The following ARHGAP28 variants were observed in gnomAD, a reference collection of about 807,000 sequenced individuals.
The protein encoded by ARHGAP28 is Rho GTPase activating protein 28.
Under a neutral mutation model 90.7 loss-of-function variants are expected in ARHGAP28, and 56 were observed. That is an observed-to-expected ratio of 0.62 (90% CI 0.50 to 0.77). The LOEUF (loss-of-function observed/expected upper bound fraction) is 0.77, where lower values mean the gene tolerates loss of function less well. Among genes scored for constraint, ARHGAP28 ranks in the 30% least tolerant of loss-of-function variants. The pLI is 0.00. For missense variants in ARHGAP28, 869 were observed against 900.9 expected, an observed-to-expected ratio of 0.96 and a Z score of 0.45; for synonymous variants, 308 against 323.3, an observed-to-expected ratio of 0.95 and a Z score of 0.51.
intron 13 of ARHGAP28, 109 bp downstream of exon 13, chr18:6,890,194 G>A: frequency 7.8e-7 from 1 of 1,274,078 alleles, no homozygotes; most frequent in Non-Finnish European, 1.1e-6. Context: ...AATATGAGAA[G>A]ATAACCCCAG....
intron 1 of ARHGAP28, among the ~76,000 whole-genome samples, chr18:6,813,431 G>T (rs2056570210): frequency 6.6e-6 from 1 of 152,100 alleles, no homozygotes; most frequent in African/African-American, 2.4e-5. Flanking sequence ...TTCACTTTCA[G>T]ATTTTTAGAG....
chr18:6,733,565 T>C (rs1295489601), intron 1 of ARHGAP28, among the ~76,000 whole-genome samples: 1 of 152,208 alleles, frequency 6.6e-6, no homozygotes, highest in Non-Finnish European at 1.5e-5. Context: ...AAAGTTTTCT[T>C]AGGAATTAAT....
intron 1 of ARHGAP28, among the ~76,000 whole-genome samples, chr18:6,784,097 G>C (rs370483604): frequency 5.3e-5 from 8 of 151,932 alleles, no homozygotes; most frequent in African/African-American, 1.9e-4. Context: ...ACTTTCTCCC[G>C]GGAGCCCAGT....
chr18:6,860,616 A>G (rs1309187125), intron 5 of ARHGAP28, among the ~76,000 whole-genome samples: 1 of 152,142 alleles, frequency 6.6e-6, no homozygotes, highest in African/African-American at 2.4e-5. Flanking sequence ...GGCACATTCA[A>G]AGGTTCTGCT....
At chr18:6,879,517 C>G (rs1474092135) in intron 10 of ARHGAP28, among the ~76,000 whole-genome samples, 1 of 152,170 alleles carries the variant, frequency 6.6e-6, no homozygotes, top group Non-Finnish European at 1.5e-5. Context: ...AAACTCATAC[C>G]CGGCTGACAT....
intron 1 of ARHGAP28, among the ~76,000 whole-genome samples, chr18:6,749,906 C>A (rs562930563): frequency 6.6e-6 from 1 of 152,190 alleles, no homozygotes; most frequent in African/African-American, 2.4e-5. Flanking sequence ...CAAAAATATA[C>A]CCTCAGTGTA....
At chr18:6,744,457 T>G (rs1411388438) in intron 1 of ARHGAP28, among the ~76,000 whole-genome samples, 1 of 152,212 alleles carries the variant, frequency 6.6e-6, no homozygotes, top group Non-Finnish European at 1.5e-5. Flanking sequence ...TTTTCCCTAT[T>G]ATTAAGTTGG....
At chr18:6,890,114 C>T (rs1455418172) in intron 13 of ARHGAP28, 29 bp downstream of exon 13, 2 of 1,611,334 alleles carry the variant, frequency 1.2e-6, no homozygotes, top group Non-Finnish European at 1.7e-6. Context: ...ACAGGTCCCC[C>T]TCAGAAGTCC....
chr18:6,739,645 T>TTCTCTCTCTCTCTCTCTC (rs138884918), intron 1 of ARHGAP28, among the ~76,000 whole-genome samples: 13 of 145,046 alleles, frequency 9.0e-5, no homozygotes, highest in African/African-American at 3.3e-4. Context: ...TGACTAAGCT[T>TTCTCTCTCTCTCTCTCTC]TCTCTCTCTC....
At chr18:6,813,907 C>T (rs1026154294) in intron 1 of ARHGAP28, among the ~76,000 whole-genome samples, 3 of 152,102 alleles carry the variant, frequency 2.0e-5, no homozygotes, top group Non-Finnish European at 2.9e-5. Flanking sequence ...AGAGGATCTC[C>T]AATCCTGGGA....
intron 1 of ARHGAP28, among the ~76,000 whole-genome samples, chr18:6,797,997 A>C (rs2056454400): frequency 6.6e-6 from 1 of 152,180 alleles, no homozygotes; most frequent in Admixed American, 6.5e-5. Context: ...AAAAACATTA[A>C]GTTTAAAGGA....
intron 1 of ARHGAP28, among the ~76,000 whole-genome samples, chr18:6,744,136 G>A (rs1006468598): frequency 6.6e-6 from 1 of 152,218 alleles, no homozygotes; most frequent in Non-Finnish European, 1.5e-5. Context: ...ACTTCTTGGA[G>A]GAGTCGATAG....
chr18:6,899,273 AAC>A lies in ARHGAP28; in HGVS notation c.2030+2651_2030+2652del, dbSNP rs199755644. ...TTACAACTAGAAAACCCTGGATAGT[AAC>A]ACAACAGAAAGCAGAGAAAGACTCT... On this transcript the variant is annotated intron_variant, in intron 16 of 17. Coordinates refer to ENST00000383472, the MANE Select transcript of ARHGAP28 (RefSeq NM_001366230.1). Among the ~76,000 whole-genome samples, 43 of 152,268 alleles carry A rather than the reference AAC, an allele frequency of 2.8e-4. No individual in the cohort carries two copies. The East Asian group carries it at 7.3e-3, about 26-fold the overall frequency.
Position 6,851,070 on chromosome 18 carries a change from G to A in ARHGAP28, c.580G>A (p.Asp194Asn), listed in dbSNP as rs147354786. The stretch of plus-strand genomic sequence containing the variant: ...CTGTGGCAACCACACTAATCAGCTG[G>A]ATGGCACCAAGGAAGAAAGAGAGCT... ...DTCGNHTNQL[D>N]GTKEERELPR... The change falls in exon 4 of 18, where the codon GAT becomes AAT. Residue 194 changes from aspartate (D) to asparagine (N), a missense_variant. Transcript: ENST00000383472. The A allele has an allele frequency of 2.4e-4, 393 of 1,614,088 alleles. No individual in the cohort carries two copies. The highest frequency in any genetic ancestry group is 3.3e-4 in the Middle Eastern group (2 of 6,062).
intron 3 of ARHGAP28, 161 bp from the exon 4 acceptor site, chr18:6,850,873 A>G: frequency 1.3e-6 from 2 of 1,523,660 alleles, no homozygotes; most frequent in South Asian, 1.2e-5. Context: ...TTATGAATGA[A>G]TTGGTAAGTG....
At chr18:6,843,706 A>T (rs1350469586) in intron 3 of ARHGAP28, among the ~76,000 whole-genome samples, 1 of 152,234 alleles carries the variant, frequency 6.6e-6, no homozygotes, top group African/African-American at 2.4e-5. Flanking sequence ...TTTCAGTAGT[A>T]CTTATTCCTT....
intron 3 of ARHGAP28, among the ~76,000 whole-genome samples, chr18:6,845,484 C>T (rs897413369): frequency 1.6e-4 from 24 of 152,148 alleles, no homozygotes; most frequent in African/African-American, 5.1e-4. Context: ...CCTAGGTAAA[C>T]ATGTGCCATG....
At position 6,898,484 on chromosome 18, in the gene ARHGAP28, G is replaced by A. The variant is rs756134118; in HGVS notation, c.2030+1858G>A. On this transcript the variant is annotated intron_variant, in intron 16 of 17. Transcript: ENST00000383472. ...CACTTTCCTTCCTAAATGGAAAATG[G>A]GTTAAAAAAGAAAGAGAAGAGTCGA... The A allele has an allele frequency of 1.9e-5, 30 of 1,613,734 alleles. No individual in the cohort carries two copies. The African/African-American group carries it at 3.9e-4, about 21-fold the overall frequency.
intron 5 of ARHGAP28, among the ~76,000 whole-genome samples, chr18:6,863,338 A>C (rs2057012751): frequency 6.6e-6 from 1 of 151,886 alleles, no homozygotes; most frequent in Non-Finnish European, 1.5e-5. Context: ...GATGAATGTA[A>C]TGTTTTCCTT....
Sources: gnomAD v4.1 joint callset for allele counts (sites outside exome capture counted in the v4.1 genomes callset) on GRCh38, gnomAD v4.1.1 for gene constraint, MANE v1.5 for transcripts, NCBI Gene and HGNC (gene_info 2026-07-23, HGNC 2026-07-21) for gene names.